GRAMD1B: variants seen among roughly 807,000 people sequenced by gnomAD.
The protein encoded by GRAMD1B is GRAM domain containing 1B.
Under a neutral mutation model 99.7 loss-of-function variants are expected in GRAMD1B, and 37 were observed. The ratio of observed to expected loss-of-function variants is 0.37; its 90% CI spans 0.29 to 0.49. GRAMD1B has a LOEUF of 0.49. GRAMD1B is among the 20% of genes least tolerant of loss of function. The pLI is 0.98. For missense variants in GRAMD1B, 888 were observed against 1,009.2 expected (o/e 0.88, Z 1.63); for synonymous variants, 427 against 387.6 (o/e 1.10, Z -1.19).
At chr11:123,394,967 T>A (rs997479713) in intron 1 of GRAMD1B, among the ~76,000 whole-genome samples, 13 of 152,184 alleles carry the variant, frequency 8.5e-5, no homozygotes, top group Non-Finnish European at 1.5e-5. Context: ...ATCCCACCCA[T>A]GGTGGGGAGC....
At chr11:123,592,418 A>C (rs1592173241) in intron 4 of GRAMD1B, among the ~76,000 whole-genome samples, 1 of 152,206 alleles carries the variant, frequency 6.6e-6, no homozygotes, top group Non-Finnish European at 1.5e-5. Context: ...CTCAAGTGCA[A>C]AATGGGATAA....
chr11:123,503,461 GAT>G (rs1277022583), intron 2 of GRAMD1B, among the ~76,000 whole-genome samples: 1 of 152,108 alleles, frequency 6.6e-6, no homozygotes, highest in Non-Finnish European at 1.5e-5. Flanking sequence ...ATACCCCTAA[GAT>G]AGTAATTATA....
At chr11:123,542,764 T>C (rs1944660382) in intron 2 of GRAMD1B, among the ~76,000 whole-genome samples, 2 of 152,198 alleles carry the variant, frequency 1.3e-5, no homozygotes, top group South Asian at 4.1e-4. Context: ...GCAATTCTTC[T>C]GCTTCAGCCT....
intron 1 of GRAMD1B, among the ~76,000 whole-genome samples, chr11:123,424,658 T>A (rs12283965): frequency 6.6e-6 from 1 of 152,254 alleles, no homozygotes; most frequent in African/African-American, 2.4e-5. Flanking sequence ...TTCTTTTTTA[T>A]TGAAATTCTG....
intron 2 of GRAMD1B, among the ~76,000 whole-genome samples, chr11:123,551,932 G>A (rs1343334088): frequency 1.3e-5 from 2 of 152,116 alleles, no homozygotes; most frequent in Non-Finnish European, 2.9e-5. Flanking sequence ...CTCCATATAT[G>A]TATGCTCCTA....
At chr11:123,583,559 C>T (rs1405199562) in intron 3 of GRAMD1B, among the ~76,000 whole-genome samples, 1 of 152,160 alleles carries the variant, frequency 6.6e-6, no homozygotes, top group Non-Finnish European at 1.5e-5. Context: ...GGCTTGAAGA[C>T]AGACAAGGCA....
intron 1 of GRAMD1B, among the ~76,000 whole-genome samples, chr11:123,367,514 T>A (rs1440001116): frequency 6.6e-6 from 1 of 152,006 alleles, no homozygotes; most frequent in Non-Finnish European, 1.5e-5. Flanking sequence ...TTCAGGCAGA[T>A]GGGATAGCAT....
At chr11:123,480,464 G>A (rs1388603095) in intron 1 of GRAMD1B, among the ~76,000 whole-genome samples, 2 of 152,110 alleles carry the variant, frequency 1.3e-5, no homozygotes, top group Admixed American at 6.6e-5. Flanking sequence ...AGGAGAATGG[G>A]ATTATAATCC....
chr11:123,614,444 C>T (rs1412170111), intron 16 of GRAMD1B, among the ~76,000 whole-genome samples: 1 of 152,216 alleles, frequency 6.6e-6, no homozygotes, highest in Non-Finnish European at 1.5e-5. Flanking sequence ...AGTCCTAGCC[C>T]AATGCCACAT....
At chr11:123,580,817 GCCT>G (rs1401721089) in intron 3 of GRAMD1B, among the ~76,000 whole-genome samples, 1 of 151,884 alleles carries the variant, frequency 6.6e-6, no homozygotes, top group Non-Finnish European at 1.5e-5. Flanking sequence ...GGCAAAGCGC[GCCT>G]CCTCCCGCCC....
intron 1 of GRAMD1B, among the ~76,000 whole-genome samples, chr11:123,405,263 T>C (rs573966355): frequency 2.1e-4 from 32 of 152,126 alleles, no homozygotes; most frequent in Middle Eastern, 6.8e-3. Context: ...TAAGACTGTC[T>C]AGCAGTCCAT....
intron 2 of GRAMD1B, among the ~76,000 whole-genome samples, chr11:123,553,585 T>C (rs1166702487): frequency 6.6e-6 from 1 of 152,206 alleles, no homozygotes; most frequent in Non-Finnish European, 1.5e-5. Flanking sequence ...AAGTTTTAAT[T>C]ACGTAGACAT....
intron 3 of GRAMD1B, among the ~76,000 whole-genome samples, chr11:123,583,429 C>T (rs1329205049): frequency 6.6e-6 from 1 of 151,130 alleles, no homozygotes; most frequent in African/African-American, 2.4e-5. Context: ...TGTGTGTGTA[C>T]TTGTGTATTT....
intron 3 of GRAMD1B, among the ~76,000 whole-genome samples, chr11:123,583,481 C>T (rs1949695469): frequency 6.6e-6 from 1 of 152,102 alleles, no homozygotes; most frequent in Non-Finnish European, 1.5e-5. Context: ...TATGTGCACA[C>T]AAGCTTGTCT....
intron 1 of GRAMD1B, among the ~76,000 whole-genome samples, chr11:123,421,047 C>T (rs1411963951): frequency 2.6e-5 from 4 of 152,064 alleles, no homozygotes; most frequent in African/African-American, 9.7e-5. Flanking sequence ...AGGGCAAGAC[C>T]ACGTAAGTTA....
At chr11:123,560,104 C>T (rs1946564878) in intron 2 of GRAMD1B, among the ~76,000 whole-genome samples, 2 of 150,546 alleles carry the variant, frequency 1.3e-5, no homozygotes, top group Non-Finnish European at 3.0e-5. Flanking sequence ...GTCCTCCACG[C>T]TGGCATGAAT....
intron 2 of GRAMD1B, among the ~76,000 whole-genome samples, chr11:123,571,621 G>A (rs1324794646): frequency 1.3e-5 from 2 of 152,092 alleles, no homozygotes; most frequent in East Asian, 1.9e-4. Flanking sequence ...AATGACCTCC[G>A]GGTCCCCTGC....
chr11:123,543,169 T>A (rs1944716401), intron 2 of GRAMD1B, among the ~76,000 whole-genome samples: 1 of 152,286 alleles, frequency 6.6e-6, no homozygotes, highest in African/African-American at 2.4e-5. Flanking sequence ...AATAAACACA[T>A]CTCAGAGAGC....
intron 1 of GRAMD1B, among the ~76,000 whole-genome samples, chr11:123,397,333 G>A (rs547323777): frequency 2.6e-4 from 40 of 152,218 alleles, no homozygotes; most frequent in African/African-American, 7.9e-4. Context: ...GCTTGAACCC[G>A]GGAGTTTGCA....
Sources: gnomAD v4.1 joint callset for allele counts (sites outside exome capture counted in the v4.1 genomes callset) on GRCh38, gnomAD v4.1.1 for gene constraint, MANE v1.5 for transcripts, NCBI Gene and HGNC (gene_info 2026-07-23, HGNC 2026-07-21) for gene names.